The following ZGRF1 variants were observed in gnomAD, a reference collection of about 807,000 sequenced individuals.
ZGRF1 encodes the protein zinc finger GRF-type containing 1, also known as 5'-3' DNA helicase ZGRF1.
A neutral mutation model predicts 203.5 loss-of-function variants in ZGRF1; 196 were observed. The ratio of observed to expected loss-of-function variants is 0.96; its 90% confidence interval spans 0.86 to 1.08. The LOEUF is 1.08. ZGRF1 is among the 50% of genes least tolerant of loss of function. The probability of loss-of-function intolerance (pLI) is 0.00; values close to 1 mark genes in which losing one functional copy is unlikely to be tolerated. For synonymous variants in ZGRF1, 809 were observed against 841.3 expected, an observed-to-expected ratio of 0.96 and a Z score of 0.66; for missense variants, 2,326 against 2,416.3, an observed-to-expected ratio of 0.96 and a Z score of 0.78.
rs372059758 is a variant in ZGRF1, at chr4:112,603,646, T to C, written c.2854A>G (p.Met952Val). 1 of 1,614,000 alleles carries C rather than the reference T, an allele frequency of 6.2e-7. No individual in the cohort carries two copies. Among genetic ancestry groups the C allele is most frequent in the Non-Finnish European group, 8.5e-7 (1 of 1,179,930 alleles). Residue 952 changes from methionine to valine, a missense_variant, in exon 10 of 28, where the codon ATG becomes GTG. Physicochemically the swap from Met to Val is conservative, Grantham distance 21 (BLOSUM62 1). Coordinates refer to ENST00000505019, the MANE Select transcript of ZGRF1 (RefSeq NM_018392.5). ...QVKGSATSGV[M>V]VRGHSSQLGC... ...AGCTGTGAGCTGTGTCCTCTGACCATTACACCACTAGTAGCTGATCCTTTT... is the reference window on the plus strand; with the variant it reads ...AGCTGTGAGCTGTGTCCTCTGACCACTACACCACTAGTAGCTGATCCTTTT...
chr4:112,626,185 G>T (rs985786491), intron 3 of ZGRF1, among the ~76,000 whole-genome samples: 1 of 152,094 alleles, frequency 6.6e-6, no homozygotes, highest in East Asian at 1.9e-4. Flanking sequence ...TGTGCTAATG[G>T]CTGCAAAACT....
chr4:112,571,720 C>T (rs1391869458), intron 16 of ZGRF1, among the ~76,000 whole-genome samples: 5 of 152,080 alleles, frequency 3.3e-5, no homozygotes, highest in African/African-American at 7.2e-5. Flanking sequence ...CATCCCTTCT[C>T]AACTTTATAG....
chr4:112,590,595 T>C (rs1427538224), intron 10 of ZGRF1, among the ~76,000 whole-genome samples: 1 of 152,112 alleles, frequency 6.6e-6, no homozygotes, highest in East Asian at 1.9e-4. Flanking sequence ...TTTGAACTTG[T>C]TAAAATGATT....
At chr4:112,629,659 G>C (rs1578498165) in intron 3 of ZGRF1, 1 of 152,584 alleles carries the variant, frequency 6.6e-6, no homozygotes, top group Admixed American at 6.5e-5. Context: ...GACAGAGTTA[G>C]TTCTGTCTCA....
chr4:112,551,430 C>CCATA (rs1739937253), intron 22 of ZGRF1, among the ~76,000 whole-genome samples: 2 of 152,170 alleles, frequency 1.3e-5, no homozygotes, highest in Admixed American at 1.3e-4. Flanking sequence ...TACCAACTGA[C>CCATA]CATACCTTTT....
In ZGRF1 at chr4:112,539,640, G is replaced by T; in HGVS notation, c.6222C>A (p.Asn2074Lys). 6.2e-7 allele frequency: 1 copy of T among 1,605,914 alleles called. No individual in the cohort carries two copies. The highest frequency in any genetic ancestry group is 8.5e-7 in the Non-Finnish European group (1 of 1,175,938). ...TTTCAAAATAATCTTTAAGGAGATG[G>T]TTCAGCTGTGGTTCATACTGGTTTG... ...QHANQYEPQL[N>K]HLLKDYFEKQ... Residue 2074 changes from asparagine (N) to lysine (K), a missense_variant, in exon 28 of 28, where the codon AAC becomes AAA. By Grantham distance (94) the Asn-to-Lys change is moderately conservative (BLOSUM62 0). Coordinates refer to ENST00000505019, the MANE Select transcript of ZGRF1 (RefSeq NM_018392.5).
At position 112,539,625 on chromosome 4, in the gene ZGRF1, A is replaced by G. The variant is rs529754426; in HGVS notation, c.6237T>C (p.Asp2079=). ...YEPQLNHLLK[D]YFEKQVEEKQ... ...TTTCTTCCACTTGTTTTTCAAAATA[A>G]TCTTTAAGGAGATGGTTCAGCTGTG... is the stretch of plus-strand genomic sequence containing the variant. The change falls in exon 28 of 28, where the codon GAT becomes GAC. Residue 2079 remains aspartate, a synonymous_variant. Transcript: ENST00000505019. The G allele has an allele frequency of 6.3e-7, 1 of 1,599,464 alleles. No individual in the cohort carries two copies. Among genetic ancestry groups the G allele is most frequent in the African/African-American group, 1.3e-5 (1 of 74,874 alleles).
intron 8 of ZGRF1, among the ~76,000 whole-genome samples, chr4:112,607,432 C>A (rs1750944681): frequency 6.6e-6 from 1 of 152,206 alleles, no homozygotes; most frequent in Admixed American, 6.5e-5. Context: ...CTGTGCCAAG[C>A]CAGAATTACA....
rs745424422 is a variant in ZGRF1 at position 112,553,893 on chromosome 4, T to C, written c.5288A>G (p.Tyr1763Cys). ...ATGCTGCTCAATGCTTTTTCTCACA[T>C]AGACTCTTTCCGTAGGAGTCAGGTC... is the stretch of plus-strand genomic sequence containing the variant. ...KEDLTPTERV[Y>C]VRKSIEQHKL... Residue 1763 changes from tyrosine (Y) to cysteine (C), a missense_variant, in exon 22 of 28, where the codon TAT becomes TGT. Tyr to Cys is a radical substitution (Grantham distance 194). Coordinates refer to ENST00000505019, the MANE Select transcript of ZGRF1 (RefSeq NM_018392.5). The C allele has an allele frequency of 1.6e-5, 26 of 1,613,642 alleles. No individual in the cohort carries two copies. The highest frequency in any genetic ancestry group is 1.4e-4 in the South Asian group (13 of 91,042).
At chr4:112,572,341 C>G (rs1479221492) in intron 16 of ZGRF1, among the ~76,000 whole-genome samples, 2 of 152,130 alleles carry the variant, frequency 1.3e-5, no homozygotes, top group Non-Finnish European at 2.9e-5. Flanking sequence ...GGATAACTAG[C>G]AAGCCACATG....
chr4:112,552,179 G>C (rs1740094305), intron 22 of ZGRF1, among the ~76,000 whole-genome samples: 1 of 151,934 alleles, frequency 6.6e-6, no homozygotes, highest in Admixed American at 6.6e-5. Flanking sequence ...TCAGGATGCT[G>C]AGGCAGGAGA....
At chr4:112,636,749 G>A (rs17606550) in intron 1 of ZGRF1, 102 bp downstream of exon 1, 10,362 of 152,232 alleles carry the variant, frequency 0.068, 430 homozygotes, top group Middle Eastern at 0.11. Flanking sequence ...GTTCCAAACA[G>A]CATCCTTCCC....
chr4:112,544,476 A>G (rs943243609), intron 24 of ZGRF1, among the ~76,000 whole-genome samples: 2 of 152,186 alleles, frequency 1.3e-5, no homozygotes, highest in Admixed American at 6.5e-5. Context: ...AGAATAACGA[A>G]AAAGGGAAAG....
chr4:112,554,283 A>G (rs955753589), intron 21 of ZGRF1, among the ~76,000 whole-genome samples: 6 of 138,132 alleles, frequency 4.3e-5, no homozygotes, highest in African/African-American at 1.6e-4. Flanking sequence ...ATTCCCACCT[A>G]TGAGTGAGAA....
At chr4:112,544,858 TG>T (rs1738441002) in intron 24 of ZGRF1, among the ~76,000 whole-genome samples, 1 of 152,200 alleles carries the variant, frequency 6.6e-6, no homozygotes, top group Admixed American at 6.5e-5. Context: ...AACTGATTTT[TG>T]ATGAGGGTTC....
At chr4:112,573,223 T>C (rs1449021543) in intron 16 of ZGRF1, among the ~76,000 whole-genome samples, 1 of 150,020 alleles carries the variant, frequency 6.7e-6, no homozygotes, top group Non-Finnish European at 1.5e-5. Context: ...TATTCAGCCA[T>C]AAAAAGAAAC....
At chr4:112,614,576 C>A (rs937264320) in intron 6 of ZGRF1, among the ~76,000 whole-genome samples, 8 of 152,196 alleles carry the variant, frequency 5.3e-5, no homozygotes, top group Admixed American at 4.6e-4. Context: ...CGCCTATAAT[C>A]CCAGCACTTC....
intron 3 of ZGRF1, among the ~76,000 whole-genome samples, chr4:112,630,260 G>A (rs2047364057): frequency 6.6e-6 from 1 of 152,230 alleles, no homozygotes; most frequent in Non-Finnish European, 1.5e-5. Context: ...GCTCACGCCT[G>A]TAATCCCAGC....
chr4:112,587,437 C>G lies in ZGRF1; in HGVS notation c.3620G>C (p.Gly1207Ala). The G allele has an allele frequency of 1.9e-6, 3 of 1,613,898 alleles. No individual in the cohort carries two copies. The highest frequency in any genetic ancestry group is 2.2e-5 in the East Asian group (1 of 44,874). Reference sequence around the variant, plus strand: ...ATCCTGCCGCTGTTGATAGAGCATGCCTTTTATCATTTGCAAATGCACAGA... The same window carrying G: ...ATCCTGCCGCTGTTGATAGAGCATGGCTTTTATCATTTGCAAATGCACAGA... ...LDSVHLQMIK[G>A]MLYQQRQDFS... The change falls in exon 12 of 28, where the codon GGC (glycine) becomes GCC (alanine). Residue 1207 changes from glycine to alanine, a missense_variant. Physicochemically the swap from Gly to Ala is moderately conservative, Grantham distance 60. Coordinates refer to ENST00000505019, the MANE Select transcript of ZGRF1 (RefSeq NM_018392.5).
Sources: gnomAD v4.1 joint callset for allele counts (sites outside exome capture counted in the v4.1 genomes callset) on GRCh38, gnomAD v4.1.1 for gene constraint, MANE v1.5 for transcripts, NCBI Gene and HGNC (gene_info 2026-07-23, HGNC 2026-07-21) for gene names.